GTPBP4: variants seen among roughly 807,000 people sequenced by gnomAD.
GTPBP4 encodes the protein GTP binding protein 4, also known as GTP-binding protein 4.
Under a neutral mutation model 81.7 loss-of-function variants are expected in GTPBP4, and 15 were observed. The ratio of observed to expected loss-of-function variants is 0.18; its 90% CI spans 0.12 to 0.28. The LOEUF (loss-of-function observed/expected upper bound fraction) is 0.28, where lower values mean the gene tolerates loss of function less well. Ranked by LOEUF, GTPBP4 falls within the 10% of genes least tolerant of loss-of-function variation. The pLI is 1.00. For synonymous variants in GTPBP4, 272 were observed against 274.6 expected (o/e 0.99, Z 0.09); for missense variants, 847 against 793.8 (o/e 1.07, Z -0.81).
At chr10:1,005,688 C>T (rs1216171230) in intron 8 of GTPBP4, 130 bp from the exon 9 acceptor site, 3 of 634,068 alleles carry the variant, frequency 4.7e-6, no homozygotes, top group Non-Finnish European at 8.5e-6. Context: ...TAGGATATGT[C>T]TGTTTTTTAA....
chr10:1,006,778 G>A (rs1831745458), intron 9 of GTPBP4, among the ~76,000 whole-genome samples: 1 of 152,220 alleles, frequency 6.6e-6, no homozygotes, highest in South Asian at 2.1e-4. Flanking sequence ...TTCGTGAAGG[G>A]CAGTTGGAGG....
chr10:1,016,826 A>T (rs1832002038), intron 16 of GTPBP4, among the ~76,000 whole-genome samples: 1 of 151,890 alleles, frequency 6.6e-6, no homozygotes, highest in African/African-American at 2.4e-5. Flanking sequence ...AAGAGAAAAG[A>T]GATGTAACAG....
intron 10 of GTPBP4, 28 bp from the exon 11 acceptor site, chr10:1,008,930 A>G (rs949793904): frequency 5.8e-6 from 9 of 1,544,642 alleles, no homozygotes; most frequent in South Asian, 2.2e-5. Flanking sequence ...GGCATTTCAC[A>G]TAAATATTTT....
chr10:997,628 T>A (rs1656823586), intron 5 of GTPBP4, among the ~76,000 whole-genome samples: 2 of 152,256 alleles, frequency 1.3e-5, no homozygotes, highest in African/African-American at 2.4e-5. Flanking sequence ...CTATAATTTC[T>A]AAGGAATTTG....
chr10:993,733 T>C (rs752861236), intron 2 of GTPBP4, among the ~76,000 whole-genome samples: 2 of 152,134 alleles, frequency 1.3e-5, no homozygotes, highest in African/African-American at 2.4e-5. Flanking sequence ...TGAAGGCAGG[T>C]GTAGGCAGAG....
chr10:1,002,953 C>T (rs1324532714), intron 8 of GTPBP4, among the ~76,000 whole-genome samples: 3 of 152,160 alleles, frequency 2.0e-5, no homozygotes, highest in Admixed American at 1.3e-4. Flanking sequence ...ATGTCTATAC[C>T]TCTCCCCAGT....
At chr10:998,137 T>G (rs913217131) in intron 5 of GTPBP4, among the ~76,000 whole-genome samples, 16 of 152,222 alleles carry the variant, frequency 1.1e-4, no homozygotes, top group African/African-American at 3.9e-4. Context: ...TCTCGCTCTG[T>G]TGCCCAGGCT....
rs1461388754 is a variant in GTPBP4, at chr10:995,949, T to C, written c.240T>C (p.Ala80=). The part of the protein sequence containing the change: ...PKLDDIHPFY[A]DLMNILYDKD... Reference sequence around the variant, plus strand: ...TACAGGATATTCATCCGTTCTATGCTGATTTGATGAATATTCTCTACGACA... The same window carrying C: ...TACAGGATATTCATCCGTTCTATGCCGATTTGATGAATATTCTCTACGACA... The change falls in exon 3 of 17, where the codon GCT becomes GCC. Residue 80 remains alanine, a synonymous_variant. Coordinates refer to ENST00000360803, the MANE Select transcript of GTPBP4 (RefSeq NM_012341.3). 6.2e-7 allele frequency: 1 copy of C among 1,606,566 alleles called. No homozygotes were observed. The highest frequency in any genetic ancestry group is 1.7e-5 in the Admixed American group (1 of 59,990).
chr10:992,482 AT>A lies in GTPBP4; in HGVS notation c.49-5del. ...ATGTAATTATGTTTTATTTTCTTTA[AT>A]TGCAGGACTTCATAGACCTCACGTT... On this transcript the variant is annotated splice_polypyrimidine_tract_variant and splice_region_variant and intron_variant, in intron 1 of 16. Coordinates refer to ENST00000360803, the MANE Select transcript of GTPBP4 (RefSeq NM_012341.3). 2 of 1,556,544 alleles carry A rather than the reference AT, an allele frequency of 1.3e-6. No individual in the cohort carries two copies. The highest frequency in any genetic ancestry group is 1.8e-6 in the Non-Finnish European group (2 of 1,132,628).
chr10:997,092 A>G, intron 4 of GTPBP4, 116 bp from the exon 5 acceptor site: 1 of 709,728 alleles, frequency 1.4e-6, no homozygotes, highest in East Asian at 2.5e-5. Context: ...TGCATTACAA[A>G]AGTTGGAGTA....
At position 1,019,802 on chromosome 10, in the gene GTPBP4, G is replaced by C; in HGVS notation, c.*2575G>C. Reference sequence around the variant, plus strand: ...TGTCTGATTTTGCCTTGTGGTGATAGATTGTCATGAACACAATGTCCTCTG... The same window carrying C: ...TGTCTGATTTTGCCTTGTGGTGATACATTGTCATGAACACAATGTCCTCTG... On this transcript the variant is annotated 3_prime_UTR_variant, in exon 17 of 17. Coordinates refer to ENST00000360803, the MANE Select transcript of GTPBP4 (RefSeq NM_012341.3). The C allele has an allele frequency of 6.2e-7, 1 of 1,613,990 alleles. No homozygotes were observed. The highest frequency in any genetic ancestry group is 8.5e-7 in the Non-Finnish European group (1 of 1,179,888).
intron 14 of GTPBP4, among the ~76,000 whole-genome samples, chr10:1,013,220 G>A (rs1377551222): frequency 6.6e-6 from 1 of 152,004 alleles, no homozygotes; most frequent in Non-Finnish European, 1.5e-5. Flanking sequence ...CTTACCTCAA[G>A]TGATCTGCCT....
chr10:1,015,477 AG>A lies in GTPBP4; in HGVS notation c.1609-275del, dbSNP rs1564472281. Reference sequence around the variant, plus strand: ...GCCTGGGAGTGGGGCTGGGGTCCTGAGCGCTGAGCCTGGGAGTGGGGCTGGG... The same window carrying A: ...GCCTGGGAGTGGGGCTGGGGTCCTGACGCTGAGCCTGGGAGTGGGGCTGGG... On this transcript the variant is annotated intron_variant, in intron 15 of 16. Coordinates refer to ENST00000360803, the MANE Select transcript of GTPBP4 (RefSeq NM_012341.3). Among the ~76,000 whole-genome samples the A allele has an allele frequency of 3.4e-3, 184 of 54,180 alleles. 10 individuals are homozygous for A. The highest frequency in any genetic ancestry group is 5.0e-3 in the African/African-American group (68 of 13,714). 35.5% of individuals were successfully genotyped at this position (54,180 alleles called of 152,430 possible). A position where few individuals can be genotyped will look rare whatever the true frequency, so the allele number is the denominator to read the frequency against.
intron 4 of GTPBP4, chr10:996,446 T>G (rs1831539307): frequency 5.1e-6 from 2 of 392,766 alleles, no homozygotes; most frequent in Non-Finnish European, 4.5e-6. Context: ...ATAAGAAAAT[T>G]TATATATTTC....
chr10:1,004,289 A>G (rs1045012532), intron 8 of GTPBP4, among the ~76,000 whole-genome samples: 3 of 152,134 alleles, frequency 2.0e-5, no homozygotes, highest in African/African-American at 7.2e-5. Context: ...GCCCTAGAGG[A>G]CAGGGAGGAG....
chr10:1,010,723 TGCCCCCTTCCC>T (rs1302095873), intron 13 of GTPBP4, among the ~76,000 whole-genome samples: 1 of 146,556 alleles, frequency 6.8e-6, no homozygotes, highest in Admixed American at 6.8e-5. Flanking sequence ...TATGCTGGCC[TGCCCCCTTCCC>T]GCCGCCTCCA....
At chr10:1,008,037 CAT>C (rs757059296) in intron 10 of GTPBP4, 8 of 480,312 alleles carry the variant, frequency 1.7e-5, no homozygotes, top group Middle Eastern at 3.5e-4. Context: ...GAACTATTAA[CAT>C]ATATTAATTT....
Position 1,019,734 on chromosome 10 carries a change from C to T in GTPBP4, c.*2507C>T. On this transcript the variant is annotated 3_prime_UTR_variant, in exon 17 of 17. Transcript: ENST00000360803. ...ATCCGGGTTCAGAGTGACGTTTTTCCTCACAAGCAGAAGGTAACAAATTTC... is the reference window on the plus strand; with the variant it reads ...ATCCGGGTTCAGAGTGACGTTTTTCTTCACAAGCAGAAGGTAACAAATTTC... The T allele has an allele frequency of 1.2e-6, 2 of 1,613,950 alleles. No homozygotes were observed. Among genetic ancestry groups the T allele is most frequent in the Non-Finnish European group, 1.7e-6 (2 of 1,180,000 alleles).
chr10:996,640 T>C (rs1018994059), intron 4 of GTPBP4: 2 of 159,396 alleles, frequency 1.3e-5, no homozygotes, highest in African/African-American at 4.8e-5. Context: ...GTGTGTATTC[T>C]TACATGACAA....
Sources: gnomAD v4.1 joint callset for allele counts (sites outside exome capture counted in the v4.1 genomes callset) on GRCh38, gnomAD v4.1.1 for gene constraint, MANE v1.5 for transcripts, NCBI Gene and HGNC (gene_info 2026-07-23, HGNC 2026-07-21) for gene names.